Variants in EIF2S2 observed in about 807,000 individuals in gnomAD.
EIF2S2 encodes the protein eukaryotic translation initiation factor 2 subunit beta.
In EIF2S2, 4 loss-of-function variants were observed where a neutral mutation model predicts 44.0. That is an observed-to-expected ratio of 0.09 (90% CI 0.04 to 0.21). The LOEUF (loss-of-function observed/expected upper bound fraction) is 0.21, where lower values mean the gene tolerates loss of function less well. Among genes scored for constraint, EIF2S2 ranks in the 10% least tolerant of loss-of-function variants. The pLI, the probability that EIF2S2 is intolerant of heterozygous loss-of-function variation, is 1.00. For missense variants in EIF2S2, 154 were observed against 392.0 expected (o/e 0.39, Z 5.13); for synonymous variants, 108 against 128.3 (o/e 0.84, Z 1.07).
Position 34,112,181 on chromosome 20 carries a change from C to A in EIF2S2, c.-71G>T, listed in dbSNP as rs568881673. The A allele has an allele frequency of 7.5e-6, 11 of 1,467,092 alleles. No individual in the cohort carries two copies. Among genetic ancestry groups the A allele is most frequent in the Admixed American group, 2.3e-5 (1 of 43,944 alleles). 90.9% of individuals were successfully genotyped at this position (1,467,092 alleles called of 1,614,324 possible). ...TCAGCCCCAGGCCCCGGCGGCAGCG[C>A]TGCCCCTGCCGATACCTCTCCCACC... On this transcript the variant is annotated 5_prime_UTR_variant, in exon 1 of 9. Coordinates refer to ENST00000374980, the MANE Select transcript of EIF2S2 (RefSeq NM_003908.5).
intron 3 of EIF2S2, among the ~76,000 whole-genome samples, chr20:34,101,628 T>G (rs139531707): frequency 1.1e-4 from 17 of 152,052 alleles, no homozygotes; most frequent in Non-Finnish European, 2.1e-4. Flanking sequence ...ACTTCCATAT[T>G]GACACCAAGA....
chr20:34,111,317 G>A (rs1221132805), intron 1 of EIF2S2, among the ~76,000 whole-genome samples: 1 of 152,194 alleles, frequency 6.6e-6, no homozygotes, highest in African/African-American at 2.4e-5. Context: ...TACCTACTGG[G>A]AGTACTTAAC....
At chr20:34,102,558 A>G (rs191455255) in intron 3 of EIF2S2, among the ~76,000 whole-genome samples, 4 of 152,310 alleles carry the variant, frequency 2.6e-5, no homozygotes, top group Admixed American at 2.0e-4. Flanking sequence ...CTAAAACCCA[A>G]TGAATTACTG....
At chr20:34,108,073 G>T (rs1460531966) in intron 1 of EIF2S2, 5 of 151,998 alleles carry the variant, frequency 3.3e-5, no homozygotes, top group South Asian at 2.1e-4. Context: ...TATAAATTTG[G>T]TTCTGGAAGG....
chr20:34,103,381 T>G, intron 3 of EIF2S2, 81 bp downstream of exon 3: 2 of 1,451,008 alleles, frequency 1.4e-6, no homozygotes, highest in Non-Finnish European at 1.8e-6. Context: ...TAGTAAGAGA[T>G]GAGTCAAAGA....
chr20:34,091,947 C>T (rs1054506140), intron 7 of EIF2S2, among the ~76,000 whole-genome samples: 1 of 151,988 alleles, frequency 6.6e-6, no homozygotes, highest in East Asian at 1.9e-4. Flanking sequence ...AGTTGAATCA[C>T]AAGCCACAAA....
intron 2 of EIF2S2, 39 bp downstream of exon 2, chr20:34,105,328 CT>C: frequency 6.3e-7 from 1 of 1,590,436 alleles, no homozygotes; most frequent in South Asian, 1.1e-5. Context: ...AGAACCAGGG[CT>C]TCTATGACAA....
In EIF2S2 at chr20:34,112,122, G is replaced by A. The variant is rs769397288; in HGVS notation, c.-12C>T. Reference sequence around the variant, plus strand: ...TCGTCCCCAGACATGGCTGCGGCTCGAGTGGGCTCGGCACGGACGGGAAGT... The same window carrying A: ...TCGTCCCCAGACATGGCTGCGGCTCAAGTGGGCTCGGCACGGACGGGAAGT... On this transcript the variant is annotated 5_prime_UTR_variant, in exon 1 of 9. Transcript: ENST00000374980. 7.8e-6 allele frequency: 12 copies of A among 1,546,936 alleles called. No individual in the cohort carries two copies. The highest frequency in any genetic ancestry group is 6.8e-5 in the African/African-American group (5 of 73,188).
chr20:34,106,443 TTTA>T (rs1214752820), intron 1 of EIF2S2, among the ~76,000 whole-genome samples: 1,536 of 149,742 alleles, frequency 0.01, 29 homozygotes, highest in African/African-American at 0.037. Context: ...TTTTTTTTTT[TTTA>T]AATGAAACAG....
At chr20:34,102,361 A>G (rs887197323) in intron 3 of EIF2S2, among the ~76,000 whole-genome samples, 1 of 152,232 alleles carries the variant, frequency 6.6e-6, no homozygotes, top group African/African-American at 2.4e-5. Context: ...AGATGAATCC[A>G]GATAAAACCA....
At chr20:34,093,455 G>A (rs890175516) in intron 7 of EIF2S2, among the ~76,000 whole-genome samples, 4 of 152,180 alleles carry the variant, frequency 2.6e-5, no homozygotes, top group Middle Eastern at 3.2e-3. Context: ...TGGTCCTCTG[G>A]TTGGTACACC....
At chr20:34,098,989 G>T (rs1373555929) in intron 3 of EIF2S2, among the ~76,000 whole-genome samples, 1 of 152,188 alleles carries the variant, frequency 6.6e-6, no homozygotes, top group African/African-American at 2.4e-5. Context: ...GACACTTGTG[G>T]GATCTTTCCC....
chr20:34,103,434 T>A (rs1370218895), intron 3 of EIF2S2, 28 bp downstream of exon 3: 2 of 1,524,196 alleles, frequency 1.3e-6, no homozygotes, highest in Non-Finnish European at 1.8e-6. Flanking sequence ...GAGGTCAAAT[T>A]TTACCTTCAA....
rs570594179 is a variant in EIF2S2, at chr20:34,100,456, C to T, written c.298-1823G>A. ...CTGGTGACCAGCCCCCATCCTAAAGCTATCTAGAGATCCCCAGATAAGGGA... is the reference window on the plus strand; with the variant it reads ...CTGGTGACCAGCCCCCATCCTAAAGTTATCTAGAGATCCCCAGATAAGGGA... On this transcript the variant is annotated intron_variant, in intron 3 of 8. Transcript: ENST00000374980. Among the ~76,000 whole-genome samples the T allele has an allele frequency of 2.0e-5, 3 of 152,268 alleles. No individual in the cohort carries two copies. The South Asian group carries it at 6.2e-4, about 32-fold the overall frequency.
At chr20:34,104,323 G>A (rs2034325493) in intron 2 of EIF2S2, among the ~76,000 whole-genome samples, 1 of 152,080 alleles carries the variant, frequency 6.6e-6, no homozygotes, top group Non-Finnish European at 1.5e-5. Context: ...CCATCTCACA[G>A]GATCTTGGTT....
chr20:34,096,713 G>A lies in EIF2S2; in HGVS notation c.627C>T (p.Val209=), dbSNP rs766502344. 9.9e-6 allele frequency: 16 copies of A among 1,610,810 alleles called. No homozygotes were observed. The highest frequency in any genetic ancestry group is 7.7e-5 in the South Asian group (7 of 90,540). The change falls in exon 6 of 9, where the codon GTC becomes GTT. Residue 209 remains valine, a synonymous_variant. Transcript: ENST00000374980. ...AAGTTTTCTTGGTTCCTACTCGGACGACTTGTGGAGGTTTCATGACAAATT... is the reference window on the plus strand; with the variant it reads ...AAGTTTTCTTGGTTCCTACTCGGACAACTTGTGGAGGTTTCATGACAAATT... The part of the protein sequence containing the change: ...KRKFVMKPPQ[V]VRVGTKKTSF...
chr20:34,107,860 T>C (rs2034367140), intron 1 of EIF2S2, among the ~76,000 whole-genome samples: 1 of 152,190 alleles, frequency 6.6e-6, no homozygotes, highest in Admixed American at 6.5e-5. Context: ...TCCAACTGTA[T>C]AAATAATTAA....
At chr20:34,092,245 C>T (rs562951770) in intron 7 of EIF2S2, among the ~76,000 whole-genome samples, 2 of 152,268 alleles carry the variant, frequency 1.3e-5, no homozygotes, top group East Asian at 3.9e-4. Flanking sequence ...AGTTTACTGG[C>T]CACAACTTGT....
chr20:34,098,476 GC>G lies in EIF2S2; in HGVS notation c.433+21del. 3.1e-6 allele frequency: 5 copies of G among 1,611,086 alleles called. No homozygotes were observed. In the South Asian group the frequency reaches 5.5e-5, roughly 18 times the overall value. On this transcript the variant is annotated intron_variant, in intron 4 of 8. Transcript: ENST00000374980. ...AAAGGCTTGAGTAACCTCTAAATGT[GC>G]TGCTGAGTCCTCAGCATTACCTTCA... is the stretch of plus-strand genomic sequence containing the variant.
Sources: gnomAD v4.1 joint callset for allele counts (sites outside exome capture counted in the v4.1 genomes callset) on GRCh38, gnomAD v4.1.1 for gene constraint, MANE v1.5 for transcripts, NCBI Gene and HGNC (gene_info 2026-07-23, HGNC 2026-07-21) for gene names.